The following TMEM132D variants were observed in gnomAD, a reference collection of about 807,000 sequenced individuals.
TMEM132D encodes transmembrane protein 132D.
Under a neutral mutation model 62.3 loss-of-function variants are expected in TMEM132D, and 21 were observed. The observed-to-expected ratio is 0.34, with a 90% CI of 0.24 to 0.49. The LOEUF (loss-of-function observed/expected upper bound fraction) is 0.49. TMEM132D is among the 20% of genes least tolerant of loss of function. The pLI, the probability that TMEM132D is intolerant of heterozygous loss-of-function variation, is 0.99. For synonymous variants in TMEM132D, 621 were observed against 575.6 expected (o/e 1.08, Z -1.13); for missense variants, 1,346 against 1,402.8 (o/e 0.96, Z 0.65).
At chr12:129,349,517 T>C (rs1566041296) in intron 3 of TMEM132D, among the ~76,000 whole-genome samples, 1 of 152,188 alleles carries the variant, frequency 6.6e-6, no homozygotes, top group Non-Finnish European at 1.5e-5. Flanking sequence ...TTGTTTCAAT[T>C]AATGTCTTAC....
chr12:129,492,873 C>T (rs1413629407), intron 3 of TMEM132D, among the ~76,000 whole-genome samples: 8 of 152,130 alleles, frequency 5.3e-5, no homozygotes, highest in African/African-American at 4.8e-5. Context: ...GTGATCCAAG[C>T]CAGCTCACAG....
intron 1 of TMEM132D, among the ~76,000 whole-genome samples, chr12:129,866,409 C>T (rs1350444230): frequency 7.5e-6 from 1 of 133,072 alleles, no homozygotes; most frequent in African/African-American, 2.9e-5. Context: ...CACATGGACA[C>T]AAGGTGGGGA....
chr12:129,325,298 A>T (rs530460042), intron 4 of TMEM132D, among the ~76,000 whole-genome samples: 2 of 152,334 alleles, frequency 1.3e-5, no homozygotes, highest in South Asian at 4.1e-4. Context: ...CCATGGAGAA[A>T]AGGTAAGTGA....
chr12:129,329,295 A>T (rs1251777965), intron 4 of TMEM132D, among the ~76,000 whole-genome samples: 1 of 152,026 alleles, frequency 6.6e-6, no homozygotes, highest in African/African-American at 2.4e-5. Flanking sequence ...TAGAGAAGAG[A>T]TTTTTTCAAG....
chr12:129,524,906 T>G (rs1385466708), intron 3 of TMEM132D, among the ~76,000 whole-genome samples: 1 of 146,080 alleles, frequency 6.8e-6, no homozygotes, highest in Non-Finnish European at 1.5e-5. Flanking sequence ...ATTTTATTAT[T>G]TTCATATTTT....
At chr12:129,486,631 C>T (rs7488352) in intron 3 of TMEM132D, among the ~76,000 whole-genome samples, 109 of 152,112 alleles carry the variant, frequency 7.2e-4, no homozygotes, top group African/African-American at 2.6e-3. Flanking sequence ...ATCATACACC[C>T]TAAGTCATAC....
intron 1 of TMEM132D, among the ~76,000 whole-genome samples, chr12:129,842,315 G>A (rs1873223372): frequency 6.6e-6 from 1 of 152,014 alleles, no homozygotes; most frequent in African/African-American, 2.4e-5. Flanking sequence ...CCAAAGTGAT[G>A]GAGACCCCTG....
At chr12:129,457,575 A>C (rs1326041926) in intron 3 of TMEM132D, among the ~76,000 whole-genome samples, 1 of 152,016 alleles carries the variant, frequency 6.6e-6, no homozygotes, top group Admixed American at 6.6e-5. Context: ...CATGTACCCT[A>C]AAACTTAAAG....
At chr12:129,599,491 G>C (rs189257475) in intron 2 of TMEM132D, among the ~76,000 whole-genome samples, 1 of 152,200 alleles carries the variant, frequency 6.6e-6, no homozygotes, top group East Asian at 1.9e-4. Context: ...TGTTTAATCC[G>C]TCAGAATTTA....
At chr12:129,134,168 G>GTGTC (rs1876481944) in intron 5 of TMEM132D, among the ~76,000 whole-genome samples, 3 of 149,280 alleles carry the variant, frequency 2.0e-5, no homozygotes, top group Non-Finnish European at 3.0e-5. Context: ...GTGTGTGTCT[G>GTGTC]TGTGTGTGTG....
chr12:129,873,703 C>A (rs1874327502), intron 1 of TMEM132D, among the ~76,000 whole-genome samples: 2 of 150,886 alleles, frequency 1.3e-5, no homozygotes, highest in Non-Finnish European at 2.9e-5. Flanking sequence ...GTAAAACTCA[C>A]AAAGGCCTGA....
intron 3 of TMEM132D, among the ~76,000 whole-genome samples, chr12:129,464,706 C>T (rs1469512505): frequency 2.6e-5 from 4 of 152,100 alleles, no homozygotes; most frequent in Non-Finnish European, 4.4e-5. Flanking sequence ...CCAGTTTTCC[C>T]AGCACCATTT....
chr12:129,417,710 A>G (rs1872171298), intron 3 of TMEM132D, among the ~76,000 whole-genome samples: 2 of 152,242 alleles, frequency 1.3e-5, no homozygotes, highest in African/African-American at 4.8e-5. Flanking sequence ...ATGGGATCCA[A>G]TCAAACTAAA....
chr12:129,662,812 A>AAAAAAAAAAAGAG (rs1555224287), intron 2 of TMEM132D, among the ~76,000 whole-genome samples: 2 of 83,414 alleles, frequency 2.4e-5, no homozygotes, highest in African/African-American at 5.1e-5. Context: ...AAAAAAAAAA[A>AAAAAAAAAAAGAG]AGAGAGAGAG....
chr12:129,280,116 C>A (rs1254445247), intron 4 of TMEM132D, among the ~76,000 whole-genome samples: 1 of 152,140 alleles, frequency 6.6e-6, no homozygotes, highest in Admixed American at 6.5e-5. Flanking sequence ...TAAAGGGAAA[C>A]TATAGTATTT....
chr12:129,281,081 A>G (rs1240324034), intron 4 of TMEM132D, among the ~76,000 whole-genome samples: 4 of 152,162 alleles, frequency 2.6e-5, no homozygotes, highest in East Asian at 1.9e-4. Context: ...TCTTACTTCT[A>G]TAGTACCAAC....
chr12:129,130,021 G>GTGTGTC lies in TMEM132D; in HGVS notation c.1444-45320_1444-45319insGACACA, dbSNP rs1202256319. 4.6e-4 allele frequency among the ~76,000 whole-genome samples: 68 copies of GTGTGTC among 147,168 alleles called. 1 individual carries two copies. The highest frequency in any genetic ancestry group is 2.2e-3 in the Admixed American group (31 of 14,226). On this transcript the variant is annotated intron_variant, in intron 5 of 8. Coordinates refer to ENST00000422113, the MANE Select transcript of TMEM132D (RefSeq NM_133448.3). ...CAAAAATCAAAGCTCTGCTCTGTGT[G>GTGTGTC]TGTGTGTGTGTGTGTGTGTGTGTGT...
chr12:129,527,066 T>C (rs972792169), intron 3 of TMEM132D, among the ~76,000 whole-genome samples: 12 of 152,214 alleles, frequency 7.9e-5, no homozygotes, highest in African/African-American at 2.7e-4. Flanking sequence ...CCCAGCACTT[T>C]GGGAGGCCAA....
At chr12:129,111,801 G>C (rs1565967869) in intron 5 of TMEM132D, 1 of 152,162 alleles carries the variant, frequency 6.6e-6, no homozygotes, top group Non-Finnish European at 1.5e-5. Flanking sequence ...TCTTTACTAG[G>C]CTAACAGGAA....
Sources: allele counts gnomAD v4.1 joint callset (sites outside exome capture counted in the v4.1 genomes callset), GRCh38; gene constraint gnomAD v4.1.1; transcripts MANE v1.5; gene names NCBI Gene and HGNC (gene_info 2026-07-23, HGNC 2026-07-21).